Variants in TMEM218 observed in about 807,000 individuals in gnomAD.
TMEM218 encodes transmembrane protein 218.
In TMEM218, 8 loss-of-function variants were observed where a neutral mutation model predicts 10.0. The observed-to-expected ratio is 0.80, with a 90% CI of 0.47 to 1.44. TMEM218 has a LOEUF of 1.44. Among genes scored for constraint, TMEM218 ranks in the 40% most tolerant of loss-of-function variants. The pLI is 0.00. For missense variants in TMEM218, 110 were observed against 140.1 expected, an observed-to-expected ratio of 0.79 and a Z score of 1.08; for synonymous variants, 66 against 63.5, an observed-to-expected ratio of 1.04 and a Z score of -0.18.
chr11:125,110,891 T>C (rs545084282), intron 1 of TMEM218: 1 of 150,440 alleles, frequency 6.6e-6, no homozygotes, highest in South Asian at 2.1e-4. Flanking sequence ...GTTTCTACTT[T>C]AAACACTTCA....
intron 1 of TMEM218, chr11:125,110,747 C>A (rs1356196550): frequency 6.7e-6 from 1 of 148,904 alleles, no homozygotes; most frequent in East Asian, 2.0e-4. Flanking sequence ...GACTCAAGCC[C>A]TTGAAAGCAA....
At chr11:125,102,442 G>C in intron 2 of TMEM218, 125 bp from the exon 3 acceptor site, 1 of 1,492,402 alleles carries the variant, frequency 6.7e-7, no homozygotes, top group South Asian at 1.3e-5. Context: ...TCCAGTCCCA[G>C]AGTCCCTTAA....
intron 1 of TMEM218, among the ~76,000 whole-genome samples, chr11:125,111,166 AC>A (rs1349637059): frequency 6.6e-6 from 1 of 152,102 alleles, no homozygotes; most frequent in East Asian, 1.9e-4. Flanking sequence ...GCCTGGGAAC[AC>A]CCCACTTGAA....
intron 1 of TMEM218, 161 bp from the exon 2 acceptor site, chr11:125,102,970 C>G (rs1565428517): frequency 1.2e-5 from 3 of 252,822 alleles, no homozygotes; most frequent in Non-Finnish European, 2.4e-5. Context: ...GATGGGGTAT[C>G]TATTAGTTTC....
chr11:125,099,149 C>T (rs889104267), intron 4 of TMEM218, among the ~76,000 whole-genome samples: 1 of 152,180 alleles, frequency 6.6e-6, no homozygotes, highest in Non-Finnish European at 1.5e-5. Context: ...CAGACCCGAG[C>T]CCTAGTAGGA....
At chr11:125,101,432 G>A in intron 3 of TMEM218, 129 bp from the exon 4 acceptor site, 1 of 1,527,348 alleles carries the variant, frequency 6.5e-7, no homozygotes, top group Non-Finnish European at 8.8e-7. Context: ...CCAGAGGCCT[G>A]CTGTCAACAA....
chr11:125,104,373 T>G (rs1951641579), intron 1 of TMEM218: 1 of 152,264 alleles, frequency 6.6e-6, no homozygotes, highest in Non-Finnish European at 1.5e-5. Flanking sequence ...CAAGCACTCC[T>G]GCTACTATTT....
In TMEM218 at chr11:125,095,467, C is replaced by G. The variant is rs922857334; in HGVS notation, c.*2139G>C. Among the ~76,000 whole-genome samples the G allele has an allele frequency of 4.6e-5, 7 of 152,204 alleles. No homozygotes were observed. The highest frequency in any genetic ancestry group is 5.9e-5 in the Non-Finnish European group (4 of 68,042). On this transcript the variant is annotated 3_prime_UTR_variant, in exon 5 of 5. Coordinates refer to ENST00000682305, the MANE Select transcript of TMEM218 (RefSeq NM_001258244.2). ...TGAAATCCATTTTGAGCCCTCTCAG[C>G]CTTCTACGTCTTATCCCAACCCTGC...
intron 1 of TMEM218, among the ~76,000 whole-genome samples, chr11:125,107,588 T>C (rs1463633062): frequency 6.6e-6 from 1 of 152,054 alleles, no homozygotes; most frequent in Non-Finnish European, 1.5e-5. Context: ...GATATATGCA[T>C]ACACACGTAG....
intron 3 of TMEM218, 124 bp from the exon 4 acceptor site, chr11:125,101,427 G>A (rs1406438471): frequency 3.3e-6 from 5 of 1,528,656 alleles, no homozygotes; most frequent in Non-Finnish European, 3.5e-6. Flanking sequence ...AATGTCCAGA[G>A]GCCTGCTGTC....
At chr11:125,107,885 CA>C (rs56007000) in intron 1 of TMEM218, among the ~76,000 whole-genome samples, 34,174 of 101,402 alleles carry the variant, frequency 0.34, 4,120 homozygotes, top group African/African-American at 0.4. Flanking sequence ...TTATCAAAGA[CA>C]AAAAAAAAAA....
Position 125,095,109 on chromosome 11 carries a change from T to C in TMEM218, c.*2497A>G, listed in dbSNP as rs555074309. On this transcript the variant is annotated 3_prime_UTR_variant, in exon 5 of 5. Transcript: ENST00000682305. The stretch of plus-strand genomic sequence containing the variant: ...CCCATTGTGATCTCCATTGTGGGGA[T>C]AGGGTGGTATCCTCCTAATTCAGCT... Among the ~76,000 whole-genome samples, 5 of 152,342 alleles carry C rather than the reference T, an allele frequency of 3.3e-5. No individual in the cohort carries two copies. Among genetic ancestry groups the C allele is most frequent in the Admixed American group, 3.3e-4 (5 of 15,300 alleles).
chr11:125,104,222 A>G (rs1951587924), intron 1 of TMEM218: 1 of 152,270 alleles, frequency 6.6e-6, no homozygotes, highest in Non-Finnish European at 1.5e-5. Flanking sequence ...GCCCACCTGC[A>G]TGCCTAACTT....
In TMEM218 at chr11:125,111,577, C is replaced by G. The variant is rs899792767; in HGVS notation, c.-191G>C. On this transcript the variant is annotated 5_prime_UTR_variant, in exon 1 of 5. Transcript: ENST00000682305. ...ACCTGGATCCACTCTCCCCCAGGCT[C>G]TACTCACACCTCAGATTCCGGCGCG... 2 of 152,582 alleles carry G rather than the reference C, an allele frequency of 1.3e-5. No homozygotes were observed. Among genetic ancestry groups the G allele is most frequent in the Non-Finnish European group, 1.5e-5 (1 of 68,318 alleles). 9.5% of individuals were successfully genotyped at this position (152,582 alleles called of 1,614,324 possible). A position where few individuals can be genotyped will look rare whatever the true frequency, so the allele number is the denominator to read the frequency against.
rs758805438 is a variant in TMEM218 at position 125,101,239 on chromosome 11, G to C, written c.175C>G (p.Arg59Gly). Residue 59 changes from arginine (R) to glycine (G), a missense_variant, in exon 4 of 5, where the codon CGA becomes GGA. By Grantham distance (125) the Arg-to-Gly change is moderately radical. Coordinates refer to ENST00000682305, the MANE Select transcript of TMEM218 (RefSeq NM_001258244.2). Reference protein sequence around the residue: ...IITSVLLLFPRAGEFPAPEVE... With the variant: ...IITSVLLLFPGAGEFPAPEVE... ...TCTGGGGCTGGGAATTCACCAGCTC[G>C]CGGGAAAAGCAACAGAACTGATGTG... 6.2e-7 allele frequency: 1 copy of C among 1,613,626 alleles called. No homozygotes were observed. The highest frequency in any genetic ancestry group is 8.5e-7 in the Non-Finnish European group (1 of 1,179,764).
intron 1 of TMEM218, among the ~76,000 whole-genome samples, chr11:125,105,383 C>T (rs1389535681): frequency 2.0e-5 from 3 of 152,090 alleles, no homozygotes; most frequent in Admixed American, 2.0e-4. Context: ...TGTTTTCAGA[C>T]ATACAAAGGG....
chr11:125,098,080 T>C (rs1949953610), intron 4 of TMEM218, among the ~76,000 whole-genome samples: 1 of 152,246 alleles, frequency 6.6e-6, no homozygotes, highest in Non-Finnish European at 1.5e-5. Context: ...AGGCTCATTT[T>C]TGTTGTTGCT....
chr11:125,100,337 C>T (rs1950507899), intron 4 of TMEM218, among the ~76,000 whole-genome samples: 3 of 152,186 alleles, frequency 2.0e-5, no homozygotes, highest in African/African-American at 2.4e-5. Flanking sequence ...ACTCAGTGTT[C>T]TTACCTATAA....
chr11:125,101,226 A>T lies in TMEM218; in HGVS notation c.188T>A (p.Phe63Tyr). The T allele has an allele frequency of 6.2e-7, 1 of 1,613,716 alleles. No homozygotes were observed. Among genetic ancestry groups the T allele is most frequent in the Non-Finnish European group, 8.5e-7 (1 of 1,179,818 alleles). ...CTTAACTTCCACTTCTGGGGCTGGG[A>T]ATTCACCAGCTCGCGGGAAAAGCAA... ...VLLLFPRAGE[F>Y]PAPEVEVKIV... The change falls in exon 4 of 5, where the codon TTC becomes TAC. Residue 63 changes from phenylalanine (F) to tyrosine (Y), a missense_variant. Transcript: ENST00000682305.
Sources: allele counts gnomAD v4.1 joint callset (sites outside exome capture counted in the v4.1 genomes callset), GRCh38; gene constraint gnomAD v4.1.1; transcripts MANE v1.5; gene names NCBI Gene and HGNC (gene_info 2026-07-23, HGNC 2026-07-21).